Variants in MARCHF1 observed in about 807,000 individuals in gnomAD.
MARCHF1 encodes the protein E3 ubiquitin-protein ligase MARCHF1.
A neutral mutation model predicts 54.2 loss-of-function variants in MARCHF1; 40 were observed. The observed-to-expected ratio is 0.74, with a 90% CI of 0.57 to 0.96. The LOEUF (loss-of-function observed/expected upper bound fraction) is 0.96. Among genes scored for constraint, MARCHF1 ranks in the 40% least tolerant of loss-of-function variants. MARCHF1 has a pLI of 0.00. For missense variants in MARCHF1, 586 were observed against 656.5 expected, an observed-to-expected ratio of 0.89 and a Z score of 1.17; for synonymous variants, 236 against 236.3, an observed-to-expected ratio of 1.00 and a Z score of 0.01.
chr4:163,843,755 T>C (rs2111139164), intron 4 of MARCHF1, among the ~76,000 whole-genome samples: 1 of 152,110 alleles, frequency 6.6e-6, no homozygotes, highest in African/African-American at 2.4e-5. Context: ...GTGTTCTCAT[T>C]GTTCAGCCCC....
At chr4:163,974,852 G>A (rs935352424) in intron 3 of MARCHF1, among the ~76,000 whole-genome samples, 2 of 152,118 alleles carry the variant, frequency 1.3e-5, no homozygotes, top group Non-Finnish European at 2.9e-5. Context: ...TTCTAAATGA[G>A]ATTAACAATT....
chr4:164,301,883 G>T (rs1407275396), intron 1 of MARCHF1, among the ~76,000 whole-genome samples: 2 of 152,154 alleles, frequency 1.3e-5, no homozygotes, highest in Admixed American at 1.3e-4. Context: ...AAAGTTAATT[G>T]CCAGAGGAAT....
intron 4 of MARCHF1, among the ~76,000 whole-genome samples, chr4:163,812,283 ATAT>A (rs1322627331): frequency 1.4e-5 from 2 of 138,562 alleles, no homozygotes; most frequent in Non-Finnish European, 3.3e-5. Flanking sequence ...TCAATAACAT[ATAT>A]TATATATATA....
At chr4:164,192,628 A>T (rs1256164366) in intron 1 of MARCHF1, among the ~76,000 whole-genome samples, 1 of 146,942 alleles carries the variant, frequency 6.8e-6, no homozygotes, top group Admixed American at 7.0e-5. Context: ...GAATTAAAAA[A>T]CACTTCAGTC....
intron 3 of MARCHF1, among the ~76,000 whole-genome samples, chr4:163,968,399 A>G (rs535002679): frequency 6.6e-6 from 1 of 152,298 alleles, no homozygotes; most frequent in East Asian, 1.9e-4. Context: ...GCCAATTTCT[A>G]AAATCGGCAT....
intron 4 of MARCHF1, among the ~76,000 whole-genome samples, chr4:163,728,583 A>G (rs1246541024): frequency 2.0e-5 from 3 of 152,080 alleles, no homozygotes; most frequent in South Asian, 4.1e-4. Flanking sequence ...TGTGGTTTCA[A>G]TTTCAAATTT....
intron 4 of MARCHF1, among the ~76,000 whole-genome samples, chr4:163,779,421 T>C (rs1296501694): frequency 3.9e-5 from 6 of 152,214 alleles, no homozygotes. Context: ...TTACTGCCTC[T>C]TGTACTTAGG....
At chr4:164,197,304 CAGG>C (rs757532181) in intron 1 of MARCHF1, 8 of 1,611,802 alleles carry the variant, frequency 5.0e-6, no homozygotes, top group African/African-American at 4.0e-5. Context: ...ATGTGAGTTG[CAGG>C]AGAAGCTTGA....
rs566970477 is a variant in MARCHF1 at position 164,100,491 on chromosome 4, G to A, written c.-248+11097C>T. On this transcript the variant is annotated intron_variant, in intron 2 of 9. Coordinates refer to ENST00000514618, the MANE Select transcript of MARCHF1 (RefSeq NM_001394959.1). The stretch of plus-strand genomic sequence containing the variant: ...TACTTCCAACTTCTGGTGATAAGTA[G>A]AATTGCCAGCAATACAGGCTAAATA... Among the ~76,000 whole-genome samples, 3 of 152,320 alleles carry A rather than the reference G, an allele frequency of 2.0e-5. No homozygotes were observed. In the East Asian group the frequency reaches 5.8e-4, roughly 29 times the overall value.
At chr4:164,130,832 G>A (rs190390314) in intron 1 of MARCHF1, among the ~76,000 whole-genome samples, 127 of 152,156 alleles carry the variant, frequency 8.3e-4, no homozygotes, top group Middle Eastern at 3.4e-3. Flanking sequence ...GATTGATGTC[G>A]TTATATGTTA....
Position 163,554,098 on chromosome 4 carries a change from A to G in MARCHF1, c.1192-8355T>C, listed in dbSNP as rs181585666. 9.7e-4 allele frequency among the ~76,000 whole-genome samples: 148 copies of G among 152,350 alleles called. 1 individual carries two copies. The highest frequency in any genetic ancestry group is 1.5e-3 in the Non-Finnish European group (102 of 68,028). ...TTTAGACTAGTACTTGAGACACACC[A>G]GTTGAGTAAAAAATAGAGGTGTGAT... On this transcript the variant is annotated intron_variant, in intron 8 of 9. Coordinates refer to ENST00000514618, the MANE Select transcript of MARCHF1 (RefSeq NM_001394959.1).
intron 5 of MARCHF1, among the ~76,000 whole-genome samples, chr4:163,668,595 T>C (rs1448828465): frequency 6.6e-6 from 1 of 152,088 alleles, no homozygotes; most frequent in African/African-American, 2.4e-5. Context: ...GGATGGAAAC[T>C]GTATTGATGA....
intron 4 of MARCHF1, among the ~76,000 whole-genome samples, chr4:163,715,533 T>C (rs1455580976): frequency 6.6e-6 from 1 of 152,220 alleles, no homozygotes. Flanking sequence ...AAAGGTATTT[T>C]CTTTTGTGTA....
At position 164,199,667 on chromosome 4, in the gene MARCHF1, CACACACACACACACAGAG is replaced by C. The variant is rs1239946048; in HGVS notation, c.-322-88023_-322-88006del. Reference sequence around the variant, plus strand: ...ACACACACACACACACACACACACACACACACACACACACAGAGAGAGAGAGAGAGAGAGAGAGAGAGA... The same window carrying C: ...ACACACACACACACACACACACACACAGAGAGAGAGAGAGAGAGAGAGAGA... On this transcript the variant is annotated intron_variant, in intron 1 of 9. Transcript: ENST00000514618. Among the ~76,000 whole-genome samples, 539 of 62,204 alleles carry C rather than the reference CACACACACACACACAGAG, an allele frequency of 8.7e-3. 2 individuals carry two copies. The highest frequency in any genetic ancestry group is 0.052 in the South Asian group (96 of 1,838). The allele number at this position is 62,204 out of a possible 152,430, so 40.8% of individuals were successfully genotyped here.
intron 4 of MARCHF1, among the ~76,000 whole-genome samples, chr4:163,844,909 C>A (rs971028435): frequency 6.6e-6 from 1 of 152,036 alleles, no homozygotes; most frequent in African/African-American, 2.4e-5. Context: ...GGTTAAGAAC[C>A]ATCATGCTAT....
intron 3 of MARCHF1, among the ~76,000 whole-genome samples, chr4:163,894,512 A>G (rs1750732004): frequency 6.8e-6 from 1 of 147,628 alleles, no homozygotes; most frequent in South Asian, 2.2e-4. Context: ...CACAGAAGTC[A>G]CTGTAAAATA....
chr4:163,900,874 A>G (rs566490007), intron 3 of MARCHF1, among the ~76,000 whole-genome samples: 2 of 152,306 alleles, frequency 1.3e-5, no homozygotes, highest in African/African-American at 4.8e-5. Context: ...AATGACATAA[A>G]TATTAATATA....
At chr4:163,754,105 T>C (rs2110793298) in intron 4 of MARCHF1, among the ~76,000 whole-genome samples, 1 of 152,328 alleles carries the variant, frequency 6.6e-6, no homozygotes, top group East Asian at 1.9e-4. Flanking sequence ...CAGGAATAGA[T>C]GGCCCTCCTT....
At chr4:163,687,458 C>T (rs1354181009) in intron 5 of MARCHF1, among the ~76,000 whole-genome samples, 1 of 152,034 alleles carries the variant, frequency 6.6e-6, no homozygotes, top group Non-Finnish European at 1.5e-5. Flanking sequence ...AAGTCATATT[C>T]TTTTAATGTA....
Sources: gnomAD v4.1 joint callset for allele counts (sites outside exome capture counted in the v4.1 genomes callset) on GRCh38, gnomAD v4.1.1 for gene constraint, MANE v1.5 for transcripts, NCBI Gene and HGNC (gene_info 2026-07-23, HGNC 2026-07-21) for gene names.